TENM2: variants seen among roughly 807,000 people sequenced by gnomAD.
TENM2 encodes the protein teneurin-2.
In TENM2, 52 loss-of-function variants were observed where a neutral mutation model predicts 245.2. The observed-to-expected ratio is 0.21, with a 90% CI of 0.17 to 0.27. TENM2 has a LOEUF of 0.27. TENM2 is among the 10% of genes least tolerant of loss of function. The probability of loss-of-function intolerance (pLI) is 1.00; values close to 1 mark genes in which losing one functional copy is unlikely to be tolerated. For missense variants in TENM2, 3,046 were observed against 3,666.8 expected (o/e 0.83, Z 4.37); for synonymous variants, 1,363 against 1,438.9 (o/e 0.95, Z 1.19).
intron 7 of TENM2, among the ~76,000 whole-genome samples, chr5:168,090,143 A>G (rs1190318278): frequency 1.3e-5 from 2 of 151,868 alleles, no homozygotes; most frequent in Non-Finnish European, 2.9e-5. Flanking sequence ...ATTATGGAAA[A>G]GTTATACTTT....
intron 2 of TENM2, among the ~76,000 whole-genome samples, chr5:167,378,993 G>T (rs964202450): frequency 6.6e-6 from 1 of 151,852 alleles, no homozygotes; most frequent in African/African-American, 2.4e-5. Flanking sequence ...AGCTAGAAAT[G>T]GCAGTAAGTG....
chr5:167,089,699 A>G, the TENM2 span, among the ~76,000 whole-genome samples: 7 of 152,194 alleles, frequency 4.6e-5, no homozygotes, highest in Admixed American at 2.0e-4. Context: ...AGTGCATTAC[A>G]TATATTATCA....
chr5:167,733,818 G>A (rs1384644002), intron 2 of TENM2, among the ~76,000 whole-genome samples: 1 of 152,140 alleles, frequency 6.6e-6, no homozygotes, highest in African/African-American at 2.4e-5. Flanking sequence ...TATCTTAATG[G>A]AAGCGGCTAT....
At chr5:167,940,875 C>G (rs988565436) in intron 3 of TENM2, among the ~76,000 whole-genome samples, 9 of 152,202 alleles carry the variant, frequency 5.9e-5, no homozygotes, top group Non-Finnish European at 1.0e-4. Flanking sequence ...GGTCTCTGAT[C>G]AAATATCATC....
the TENM2 span, among the ~76,000 whole-genome samples, chr5:167,128,701 A>T: frequency 3.8e-4 from 58 of 152,312 alleles, no homozygotes; most frequent in African/African-American, 1.3e-3. Context: ...GTTAGGGTGC[A>T]GCCTATTCAC....
intron 2 of TENM2, among the ~76,000 whole-genome samples, chr5:167,826,995 C>T (rs530646314): frequency 4.3e-4 from 65 of 152,356 alleles, no homozygotes; most frequent in African/African-American, 1.3e-3. Context: ...CTGGCACAAG[C>T]CAGATTGCAC....
chr5:167,344,282 GCACACACACACACA>G (rs3067278), intron 1 of TENM2, among the ~76,000 whole-genome samples: 1 of 134,534 alleles, frequency 7.4e-6, no homozygotes, highest in Non-Finnish European at 1.6e-5. Context: ...GCACGTGCAC[GCACACACACACACA>G]CACACACACA....
intron 2 of TENM2, among the ~76,000 whole-genome samples, chr5:167,562,038 C>T (rs1773625924): frequency 6.6e-6 from 1 of 152,034 alleles, no homozygotes. Context: ...AGATGGTGAG[C>T]GTGGAGGGAT....
chr5:167,818,207 T>C (rs1767220502), intron 2 of TENM2, among the ~76,000 whole-genome samples: 1 of 152,322 alleles, frequency 6.6e-6, no homozygotes, highest in Non-Finnish European at 1.5e-5. Flanking sequence ...TTTTATACTC[T>C]TGTTTAGTTT....
At chr5:167,181,353 C>T in the TENM2 span, among the ~76,000 whole-genome samples, 7 of 151,828 alleles carry the variant, frequency 4.6e-5, no homozygotes, top group South Asian at 2.1e-4. Context: ...CTTTCTTTCT[C>T]GCCTTTTCCT....
intron 2 of TENM2, among the ~76,000 whole-genome samples, chr5:167,807,065 A>AT (rs1215613248): frequency 6.9e-6 from 1 of 143,958 alleles, no homozygotes; most frequent in Non-Finnish European, 1.5e-5. Context: ...TGCATGGTCC[A>AT]AAGCCCCCAT....
intron 2 of TENM2, among the ~76,000 whole-genome samples, chr5:167,390,286 T>C (rs966476412): frequency 2.0e-5 from 3 of 152,154 alleles, no homozygotes; most frequent in Non-Finnish European, 4.4e-5. Flanking sequence ...TTTTTCCATA[T>C]TAAGTATGTC....
chr5:167,694,660 A>G (rs1306261425), intron 2 of TENM2, among the ~76,000 whole-genome samples: 1 of 152,136 alleles, frequency 6.6e-6, no homozygotes, highest in Non-Finnish European at 1.5e-5. Context: ...TGAGCCTGCT[A>G]ATCATTTCTT....
intron 12 of TENM2, among the ~76,000 whole-genome samples, chr5:168,127,231 T>G (rs138744492): frequency 6.6e-6 from 1 of 152,180 alleles, no homozygotes; most frequent in South Asian, 2.1e-4. Flanking sequence ...GAAATGCACA[T>G]GCATGGGAAA....
At chr5:167,028,488 C>T in the TENM2 span, among the ~76,000 whole-genome samples, 1 of 151,884 alleles carries the variant, frequency 6.6e-6, no homozygotes, top group Non-Finnish European at 1.5e-5. Context: ...TATTCTTTGC[C>T]AATCTACATG....
intron 2 of TENM2, among the ~76,000 whole-genome samples, chr5:167,503,269 C>T (rs1769328348): frequency 6.6e-6 from 1 of 152,052 alleles, no homozygotes; most frequent in Non-Finnish European, 1.5e-5. Flanking sequence ...AAATTGGAAG[C>T]ACATAAAGAA....
chr5:167,536,094 T>C (rs1222623366), intron 2 of TENM2, among the ~76,000 whole-genome samples: 1 of 152,190 alleles, frequency 6.6e-6, no homozygotes, highest in Non-Finnish European at 1.5e-5. Flanking sequence ...TCCTGGCAAG[T>C]AGTTGAACCG....
chr5:168,155,268 T>A (rs1222446378), intron 12 of TENM2, among the ~76,000 whole-genome samples: 1 of 152,112 alleles, frequency 6.6e-6, no homozygotes, highest in Admixed American at 6.5e-5. Context: ...AGCTCTGGAA[T>A]GTAATGGCAG....
At chr5:167,540,126 G>A (rs6890751) in intron 2 of TENM2, among the ~76,000 whole-genome samples, 73,102 of 151,962 alleles carry the variant, frequency 0.48, 19,426 homozygotes, top group South Asian at 0.61. Context: ...TTAGGCTCAA[G>A]CAACAAGGAA....
Sources: allele counts gnomAD v4.1 joint callset (sites outside exome capture counted in the v4.1 genomes callset), GRCh38; gene constraint gnomAD v4.1.1; transcripts MANE v1.5; gene names NCBI Gene and HGNC (gene_info 2026-07-23, HGNC 2026-07-21).